MTG1: variants seen among roughly 807,000 people sequenced by gnomAD.
MTG1 encodes the protein mitochondrial ribosome associated GTPase 1.
In MTG1, 30 loss-of-function variants were observed where a neutral mutation model predicts 39.5. The ratio of observed to expected loss-of-function variants is 0.76; its 90% CI spans 0.57 to 1.03. The LOEUF (loss-of-function observed/expected upper bound fraction) is 1.03. Ranked by LOEUF, MTG1 falls within the 50% of genes least tolerant of loss-of-function variation. The pLI is 0.00. For missense variants in MTG1, 513 were observed against 447.4 expected (o/e 1.15, Z -1.32); for synonymous variants, 217 against 179.0 (o/e 1.21, Z -1.69).
chr10:133,416,014 G>GGCAGGCGGGTGTCGA (rs1850124929), intron 9 of MTG1, among the ~76,000 whole-genome samples: 2 of 137,100 alleles, frequency 1.5e-5, no homozygotes, highest in African/African-American at 6.2e-5. Flanking sequence ...GCGGGTGTCG[G>GGCAGGCGGGTGTCGA]GCACGTGGGT....
At chr10:133,394,852 C>T (rs931875654) in intron 1 of MTG1, 11 of 624,864 alleles carry the variant, frequency 1.8e-5, no homozygotes, top group African/African-American at 2.0e-5. Flanking sequence ...CAGCCCAGCC[C>T]GTCTAGGTGT....
At chr10:133,404,917 G>A (rs558089252) in intron 9 of MTG1, among the ~76,000 whole-genome samples, 3 of 152,160 alleles carry the variant, frequency 2.0e-5, no homozygotes, top group Non-Finnish European at 4.4e-5. Flanking sequence ...CTTGGTAACT[G>A]CTTCTAATTT....
chr10:133,394,626 C>A, intron 1 of MTG1: 1 of 1,255,720 alleles, frequency 8.0e-7, no homozygotes, highest in South Asian at 2.4e-5. Flanking sequence ...CCTCTGTTCC[C>A]AGCAAGTTCC....
chr10:133,394,930 G>T (rs1324549157), intron 1 of MTG1: 1 of 163,684 alleles, frequency 6.1e-6, no homozygotes, highest in East Asian at 1.9e-4. Flanking sequence ...GCCCGTGTGG[G>T]TGACTGAGGC....
At position 133,399,510 on chromosome 10, in the gene MTG1, C is replaced by T. The variant is rs1564818921; in HGVS notation, c.421-19C>T. 2 of 1,612,388 alleles carry T rather than the reference C, an allele frequency of 1.2e-6. No homozygotes were observed. The highest frequency in any genetic ancestry group is 1.1e-5 in the South Asian group (1 of 90,932). ...AGCGGCCACGGTGGGCCCTGTGACCCCTCTCTCTGCCTGCGCAGAACCTGG... is the reference window on the plus strand; with the variant it reads ...AGCGGCCACGGTGGGCCCTGTGACCTCTCTCTCTGCCTGCGCAGAACCTGG... On this transcript the variant is annotated intron_variant, in intron 5 of 10. Transcript: ENST00000317502.
chr10:133,395,168 G>A (rs1849762274), intron 1 of MTG1, among the ~76,000 whole-genome samples: 1 of 152,170 alleles, frequency 6.6e-6, no homozygotes, highest in South Asian at 2.1e-4. Flanking sequence ...GGCCGAGGTG[G>A]GCAGATCACG....
intron 7 of MTG1, chr10:133,401,798 G>T (rs778335168): frequency 2.8e-6 from 2 of 702,406 alleles, no homozygotes; most frequent in South Asian, 1.5e-5. Flanking sequence ...GGGAAGGCAC[G>T]CTGTTTTCCC....
In MTG1 at chr10:133,415,843, C is replaced by T. The variant is rs186720811; in HGVS notation, c.753-3637C>T. On this transcript the variant is annotated intron_variant, in intron 9 of 10. Transcript: ENST00000317502. ...ACCTCAGGCATGCAGGTATCAGGCA[C>T]GCGGGTATCAGGCAGGTGGGTATCA... 3.5e-4 allele frequency among the ~76,000 whole-genome samples: 53 copies of T among 152,194 alleles called. 1 individual carries two copies. The highest frequency in any genetic ancestry group is 1.2e-3 in the African/African-American group (51 of 41,510).
Position 133,419,553 on chromosome 10 carries a change from C to G in MTG1, c.826C>G (p.Leu276Val). The change falls in exon 10 of 11, where the codon CTG (leucine) becomes GTG (valine). Residue 276 changes from leucine to valine, a missense_variant. By Grantham distance (32) the Leu-to-Val change is conservative. Transcript: ENST00000317502. Reference protein sequence around the residue: ...ERVLKSVAVKLGKTQKVKVLT... With the variant: ...ERVLKSVAVKVGKTQKVKVLT... ...CGTGCTGAAGAGTGTGGCTGTGAAG[C>G]TGGGGAAGACGCAGAAGGTGAAGGT... 1 of 1,610,134 alleles carries G rather than the reference C, an allele frequency of 6.2e-7. No individual in the cohort carries two copies. Among genetic ancestry groups the G allele is most frequent in the Non-Finnish European group, 8.5e-7 (1 of 1,178,602 alleles).
chr10:133,402,911 G>T lies in MTG1; in HGVS notation c.752+138G>T, dbSNP rs1849908197. On this transcript the variant is annotated intron_variant, in intron 9 of 10. Transcript: ENST00000317502. The surrounding 1 kb of genome is among the most constrained non-coding windows in gnomAD (Gnocchi z 4.7). ...ACCTGCACATCGTTTAAAGCGTCCA[G>T]TTGGACAAGTTCGGGAGTATGGCTA... 1.5e-6 allele frequency: 1 copy of T among 662,680 alleles called. No individual in the cohort carries two copies. Among genetic ancestry groups the T allele is most frequent in the South Asian group, 2.0e-5 (1 of 48,870 alleles). 41.0% of individuals were successfully genotyped at this position (662,680 alleles called of 1,614,324 possible).
At chr10:133,405,123 A>G (rs1016948589) in intron 9 of MTG1, among the ~76,000 whole-genome samples, 2 of 152,224 alleles carry the variant, frequency 1.3e-5, no homozygotes, top group Non-Finnish European at 2.9e-5. Flanking sequence ...AGAATTGACA[A>G]TATTGTAACA....
At chr10:133,403,399 G>T (rs917759303) in intron 9 of MTG1, among the ~76,000 whole-genome samples, 148 of 150,500 alleles carry the variant, frequency 9.8e-4, no homozygotes, top group African/African-American at 3.3e-3. Context: ...GGAAATGAGC[G>T]TTCCCGTCAC....
chr10:133,401,431 T>C, intron 6 of MTG1, 98 bp from the exon 7 acceptor site: 1 of 1,005,754 alleles, frequency 9.9e-7, no homozygotes, highest in Non-Finnish European at 1.5e-6. Flanking sequence ...TCTCCCTGCT[T>C]GGCTGGTCAG....
In MTG1 at chr10:133,395,900, C is replaced by G. The variant is rs191980074; in HGVS notation, c.177+123C>G. 5.9e-6 allele frequency: 6 copies of G among 1,020,674 alleles called. No individual in the cohort carries two copies. In the African/African-American group the frequency reaches 9.6e-5, roughly 16 times the overall value. 63.2% of individuals were successfully genotyped at this position (1,020,674 alleles called of 1,614,324 possible). ...CCTTTCTAGACCAGTTAATCAGAAT[C>G]TGTGATGTGGGGTCCAGACTGCGTG... is the stretch of plus-strand genomic sequence containing the variant. On this transcript the variant is annotated intron_variant, in intron 2 of 10. Coordinates refer to ENST00000317502, the MANE Select transcript of MTG1 (RefSeq NM_138384.4).
Position 133,394,203 on chromosome 10 carries a change from T to G in MTG1, c.-18T>G, listed in dbSNP as rs1564817064. Reference sequence around the variant, plus strand: ...AGAGGAGGTCAGCTGCGGGAGCGTTTCCGGGGACGGTGCCGCCATGAGATT... The same window carrying G: ...AGAGGAGGTCAGCTGCGGGAGCGTTGCCGGGGACGGTGCCGCCATGAGATT... On this transcript the variant is annotated 5_prime_UTR_variant, in exon 1 of 11. Transcript: ENST00000317502. 2.7e-6 allele frequency: 4 copies of G among 1,507,688 alleles called. No homozygotes were observed. The highest frequency in any genetic ancestry group is 3.5e-6 in the Non-Finnish European group (4 of 1,131,562). The allele number at this position is 1,507,688 out of a possible 1,614,324, so 93.4% of individuals were successfully genotyped here. A position where few individuals can be genotyped will look rare whatever the true frequency, so the allele number is the denominator to read the frequency against.
chr10:133,408,887 G>T (rs1471756546), intron 9 of MTG1, among the ~76,000 whole-genome samples: 1 of 152,014 alleles, frequency 6.6e-6, no homozygotes, highest in Non-Finnish European at 1.5e-5. Context: ...GGTATTGGTT[G>T]TAATGTCTCC....
Position 133,402,827 on chromosome 10 carries a change from T to TTA in MTG1, c.752+54_752+55insTA. On this transcript the variant is annotated intron_variant, in intron 9 of 10. Coordinates refer to ENST00000317502, the MANE Select transcript of MTG1 (RefSeq NM_138384.4). This position sits in a 1 kb window ranked among gnomAD's most constrained non-coding sequence, Gnocchi z 4.7. ...GGCCCCTCCTCCTAGTCACCTCATTTAAAAAAAAAAAACAAACAAAAAAAC... is the reference window on the plus strand; with the variant it reads ...GGCCCCTCCTCCTAGTCACCTCATTTTAAAAAAAAAAAAACAAACAAAAAAAC... The TTA allele has an allele frequency of 9.7e-7, 1 of 1,031,312 alleles. No individual in the cohort carries two copies. Among genetic ancestry groups the TTA allele is most frequent in the African/African-American group, 1.7e-5 (1 of 59,530 alleles). The allele number at this position is 1,031,312 out of a possible 1,614,324, so 63.9% of individuals were successfully genotyped here.
intron 9 of MTG1, among the ~76,000 whole-genome samples, chr10:133,417,362 T>C (rs1243270624): frequency 1.3e-5 from 2 of 151,492 alleles, no homozygotes; most frequent in South Asian, 4.2e-4. Flanking sequence ...AAATTAGGTA[T>C]TGATGGGACG....
chr10:133,395,637 C>T, intron 1 of MTG1, 76 bp from the exon 2 acceptor site: 1 of 1,391,656 alleles, frequency 7.2e-7, no homozygotes, highest in South Asian at 1.2e-5. Flanking sequence ...GCGTGTCATT[C>T]TGGACGGTTC....
Sources: gnomAD v4.1 joint callset for allele counts (sites outside exome capture counted in the v4.1 genomes callset) on GRCh38, gnomAD v4.1.1 for gene constraint, Gnocchi (gnomAD v3.1) non-coding constraint, MANE v1.5 for transcripts, NCBI Gene and HGNC (gene_info 2026-07-23, HGNC 2026-07-21) for gene names.